Variants in SMS observed in about 807,000 individuals in gnomAD.
SMS encodes spermine synthase, also known as spermidine aminopropyltransferase.
A neutral mutation model predicts 33.0 loss-of-function variants in SMS; 3 were observed. That is an observed-to-expected ratio of 0.09 (90% CI 0.04 to 0.23). The LOEUF is 0.23. SMS is among the 10% of genes least tolerant of loss of function. The pLI is 1.00. For synonymous variants in SMS, 103 were observed against 112.2 expected (o/e 0.92, Z 0.52); for missense variants, 117 against 288.6 (o/e 0.41, Z 4.31).
intron 7 of SMS, among the ~76,000 whole-genome samples, chrX:21,982,336 CAAA>C (rs11430711): frequency 8.7e-5 from 4 of 46,082 alleles, no homozygotes; most frequent in African/African-American, 7.7e-5. Context: ...AGACTTGTCT[CAAA>C]AAAAAAAAAA....
At chrX:21,957,171 G>A (rs1380014609) in intron 1 of SMS, among the ~76,000 whole-genome samples, 1 of 89,240 alleles carries the variant, frequency 1.1e-5, no homozygotes, top group African/African-American at 4.3e-5. Flanking sequence ...TTTTTTTTTT[G>A]CATAAGAATG....
chrX:21,980,454 T>A (rs1019726830), intron 7 of SMS, among the ~76,000 whole-genome samples: 76 of 88,904 alleles, frequency 8.5e-4, no homozygotes, highest in African/African-American at 2.8e-3. Context: ...ATATATATAT[T>A]TCCATCTAAC....
intron 9 of SMS, 49 bp from the exon 10 acceptor site, chrX:21,992,548 C>G: frequency 1.4e-6 from 1 of 739,803 alleles, no homozygotes; most frequent in Non-Finnish European, 2.1e-6. Flanking sequence ...ATGAGTGGGG[C>G]CCTTGGAAGG....
At chrX:21,982,781 A>G (rs997151721) in intron 7 of SMS, among the ~76,000 whole-genome samples, 2 of 112,643 alleles carry the variant, frequency 1.8e-5, no homozygotes, top group Non-Finnish European at 3.7e-5. Flanking sequence ...TTTGTGTGCA[A>G]GTATTCGTAA....
intron 10 of SMS, among the ~76,000 whole-genome samples, chrX:21,993,234 A>G (rs920796090): frequency 8.9e-6 from 1 of 112,742 alleles, no homozygotes; most frequent in Non-Finnish European, 1.9e-5. Context: ...TTACATTAAA[A>G]TAACCTGACA....
At chrX:21,973,905 T>G (rs1236701011) in intron 4 of SMS, among the ~76,000 whole-genome samples, 1 of 112,988 alleles carries the variant, frequency 8.9e-6, no homozygotes, top group African/African-American at 3.2e-5. Flanking sequence ...TCGGACATCG[T>G]GGGAAGGAAC....
chrX:21,952,421 GTTTTT>G (rs545894421), intron 1 of SMS, among the ~76,000 whole-genome samples: 8 of 33,465 alleles, frequency 2.4e-4, no homozygotes, highest in East Asian at 1.0e-3. Flanking sequence ...TTGTTTGTTT[GTTTTT>G]TTTTTTTTTT....
chrX:21,954,406 T>A (rs960453798), intron 1 of SMS, among the ~76,000 whole-genome samples: 31 of 112,519 alleles, frequency 2.8e-4, no homozygotes, highest in Non-Finnish European at 1.3e-4. Flanking sequence ...GGTGCAATGA[T>A]TTTGATTGCC....
intron 10 of SMS, among the ~76,000 whole-genome samples, chrX:21,993,649 G>T (rs1343891555): frequency 8.9e-6 from 1 of 112,337 alleles, no homozygotes; most frequent in Non-Finnish European, 1.9e-5. Flanking sequence ...GATCCTCCAT[G>T]TGAGGAGGGG....
chrX:21,972,488 A>AT lies in SMS; in HGVS notation c.265-14dup. On this transcript the variant is annotated intron_variant, in intron 3 of 10. Coordinates refer to ENST00000404933, the MANE Select transcript of SMS (RefSeq NM_004595.5). ...TGCAGCTTATTCTACAAGCCCATTG[A>AT]TTTTTCTTTTAATTGTAGATTTTGA... The AT allele has an allele frequency of 9.1e-7, 1 of 1,100,046 alleles. No individual in the cohort carries two copies. Among genetic ancestry groups the AT allele is most frequent in the South Asian group, 1.8e-5 (1 of 54,316 alleles). The allele number at this position is 1,100,046 out of a possible 1,213,427, so 90.7% of individuals were successfully genotyped here. A position where few individuals can be genotyped will look rare whatever the true frequency, so the allele number is the denominator to read the frequency against.
In SMS at chrX:21,953,595, G is replaced by GT. The variant is rs200822220; in HGVS notation, c.49+12725dup. On this transcript the variant is annotated intron_variant, in intron 1 of 10. Transcript: ENST00000404933. ...ACTGGGTTTTCTTGCATACAACTGA[G>GT]TTTCTGCTTACACATTCTTTAATTT... is the stretch of plus-strand genomic sequence containing the variant. Among the ~76,000 whole-genome samples the GT allele has an allele frequency of 3.5e-3, 390 of 112,100 alleles. 2 individuals carry two copies. Among genetic ancestry groups the GT allele is most frequent in the African/African-American group, 0.012 (356 of 30,873 alleles).
intron 1 of SMS, among the ~76,000 whole-genome samples, chrX:21,943,956 C>T (rs1216526535): frequency 9.0e-6 from 1 of 111,247 alleles, no homozygotes; most frequent in Non-Finnish European, 1.9e-5. Flanking sequence ...GAGTCAAATG[C>T]CTGTGGAGCC....
chrX:21,947,958 T>C (rs750420904), intron 1 of SMS, among the ~76,000 whole-genome samples: 1 of 111,904 alleles, frequency 8.9e-6, no homozygotes, highest in East Asian at 2.8e-4. Flanking sequence ...AGATCCCTTG[T>C]TGGCATTGCC....
Position 21,946,019 on chromosome X carries a change from T to A in SMS, c.49+5146T>A, listed in dbSNP as rs182982946. Among the ~76,000 whole-genome samples, 4 of 112,587 alleles carry A rather than the reference T, an allele frequency of 3.6e-5. No homozygotes were observed. The East Asian group carries it at 1.1e-3, about 32-fold the overall frequency. On this transcript the variant is annotated intron_variant, in intron 1 of 10. Transcript: ENST00000404933. ...TGAGCAAAATTGATATTTAACAAAT[T>A]GTTAGGCAAGGAGAAAAACCTGATT...
chrX:21,988,760 G>A (rs1486370729), intron 9 of SMS, among the ~76,000 whole-genome samples: 1 of 109,728 alleles, frequency 9.1e-6, no homozygotes. Context: ...ACCCAAAACT[G>A]CTAGCTGTGA....
intron 9 of SMS, among the ~76,000 whole-genome samples, chrX:21,989,398 C>T (rs1157617508): frequency 8.9e-6 from 1 of 112,013 alleles, no homozygotes; most frequent in Non-Finnish European, 1.9e-5. Context: ...AAACCAATGA[C>T]TAATAAAATC....
intron 1 of SMS, chrX:21,959,771 C>T (rs906920033): frequency 6.5e-6 from 1 of 152,694 alleles, no homozygotes; most frequent in Non-Finnish European, 1.1e-5. Context: ...CAACCTGAGC[C>T]TGGCTGTCAG....
chrX:21,955,747 G>A (rs1922930846), intron 1 of SMS, among the ~76,000 whole-genome samples: 2 of 111,790 alleles, frequency 1.8e-5, no homozygotes, highest in African/African-American at 3.3e-5. Context: ...CCACTGAAGA[G>A]CATCGTAGGA....
At chrX:21,988,484 T>C in intron 9 of SMS, among the ~76,000 whole-genome samples, 1 of 108,702 alleles carries the variant, frequency 9.2e-6, no homozygotes, top group East Asian at 2.9e-4. Flanking sequence ...GCTAACGTGG[T>C]GAAACCCCGT....
Sources: allele counts gnomAD v4.1 joint callset (sites outside exome capture counted in the v4.1 genomes callset), GRCh38; gene constraint gnomAD v4.1.1; transcripts MANE v1.5; gene names NCBI Gene and HGNC (gene_info 2026-07-23, HGNC 2026-07-21).